GATAD2B: variants seen among roughly 807,000 people sequenced by gnomAD.
GATAD2B encodes the protein transcriptional repressor p66-beta.
GATAD2B carries 8 observed loss-of-function variants against 64.3 expected under a neutral mutation model. That is an observed-to-expected ratio of 0.12 (90% CI 0.07 to 0.22). The LOEUF is 0.22. Among genes scored for constraint, GATAD2B ranks in the 10% least tolerant of loss-of-function variants. The pLI is 1.00. For synonymous variants in GATAD2B, 281 were observed against 271.3 expected (o/e 1.04, Z -0.35); for missense variants, 453 against 752.0 (o/e 0.60, Z 4.65).
In GATAD2B at chr1:153,860,416, CCT is replaced by C. The variant is rs373074204; in HGVS notation, c.-1-32070_-1-32069del. On this transcript the variant is annotated intron_variant, in intron 1 of 10. Coordinates refer to ENST00000368655, the MANE Select transcript of GATAD2B (RefSeq NM_020699.4). ...GTGGTGCAATCAAAACTTCCTGTAA[CCT>C]TGAACTCCTAGGGTTAGGCAATCCT... Among the ~76,000 whole-genome samples, 21 of 150,954 alleles carry C rather than the reference CCT, an allele frequency of 1.4e-4. No individual in the cohort carries two copies. The South Asian group carries it at 2.5e-3, about 18-fold the overall frequency.
At chr1:153,823,640 G>A (rs1674760938) in intron 2 of GATAD2B, among the ~76,000 whole-genome samples, 1 of 151,528 alleles carries the variant, frequency 6.6e-6, no homozygotes, top group South Asian at 2.1e-4. Context: ...ATGCACCACT[G>A]CACCCAGCCC....
intron 1 of GATAD2B, among the ~76,000 whole-genome samples, chr1:153,844,199 T>G (rs989219015): frequency 6.6e-6 from 1 of 151,712 alleles, no homozygotes; most frequent in African/African-American, 2.4e-5. Context: ...CTGAGGAAAC[T>G]ATCCAAGACT....
At chr1:153,884,223 G>A (rs1007540591) in intron 1 of GATAD2B, among the ~76,000 whole-genome samples, 2 of 152,124 alleles carry the variant, frequency 1.3e-5, no homozygotes, top group Non-Finnish European at 1.5e-5. Context: ...GGCAGATCAC[G>A]AGGTCAGGAG....
At chr1:153,810,889 G>A (rs548732138) in intron 10 of GATAD2B, among the ~76,000 whole-genome samples, 6 of 151,982 alleles carry the variant, frequency 3.9e-5, no homozygotes, top group African/African-American at 1.2e-4. Context: ...TCAGCCTCCC[G>A]AGTAGCTGGG....
intron 1 of GATAD2B, among the ~76,000 whole-genome samples, chr1:153,845,992 A>G (rs552317450): frequency 2.2e-5 from 3 of 136,014 alleles, no homozygotes; most frequent in Non-Finnish European, 4.7e-5. Flanking sequence ...TTTTTGCCTT[A>G]AAGTTTGTCT....
intron 1 of GATAD2B, among the ~76,000 whole-genome samples, chr1:153,843,183 G>A (rs1012489589): frequency 2.0e-5 from 3 of 151,334 alleles, no homozygotes; most frequent in African/African-American, 7.3e-5. Flanking sequence ...TGCCCAGGCT[G>A]GAATGCAGTG....
Position 153,817,354 on chromosome 1 carries a change from G to A in GATAD2B, c.900+18C>T, listed in dbSNP as rs1256377581. 1.3e-6 allele frequency: 2 copies of A among 1,512,806 alleles called. No homozygotes were observed. Among genetic ancestry groups the A allele is most frequent in the Non-Finnish European group, 1.8e-6 (2 of 1,130,040 alleles). 93.7% of individuals were successfully genotyped at this position (1,512,806 alleles called of 1,614,324 possible). ...AGGGATTTCTCTGTTTCCACATTAG[G>A]GCTCAGCTCTCTCTTACCGGTTGAT... On this transcript the variant is annotated intron_variant, in intron 6 of 10. Coordinates refer to ENST00000368655, the MANE Select transcript of GATAD2B (RefSeq NM_020699.4).
chr1:153,841,412 TTAAC>T (rs1441796581), intron 1 of GATAD2B, among the ~76,000 whole-genome samples: 1 of 152,182 alleles, frequency 6.6e-6, no homozygotes, highest in Non-Finnish European at 1.5e-5. Flanking sequence ...AGCCCTCGTG[TTAAC>T]TGTTTTATAA....
At chr1:153,897,838 T>G (rs963439338) in intron 1 of GATAD2B, among the ~76,000 whole-genome samples, 1 of 152,048 alleles carries the variant, frequency 6.6e-6, no homozygotes, top group Non-Finnish European at 1.5e-5. Flanking sequence ...TATATATGTT[T>G]CTATATTCAA....
intron 1 of GATAD2B, among the ~76,000 whole-genome samples, chr1:153,880,615 C>T (rs1243009115): frequency 1.3e-5 from 2 of 151,960 alleles, no homozygotes; most frequent in Non-Finnish European, 2.9e-5. Flanking sequence ...AGCACATACA[C>T]CTTTGAATGG....
chr1:153,848,068 G>T (rs1441238338), intron 1 of GATAD2B, among the ~76,000 whole-genome samples: 1 of 152,138 alleles, frequency 6.6e-6, no homozygotes, highest in African/African-American at 2.4e-5. Flanking sequence ...TCCCCAGTTA[G>T]TTCTATTATT....
At chr1:153,888,298 A>C (rs2101946414) in intron 1 of GATAD2B, among the ~76,000 whole-genome samples, 1 of 152,208 alleles carries the variant, frequency 6.6e-6, no homozygotes, top group South Asian at 2.1e-4. Flanking sequence ...AATCATATGG[A>C]GCATTATATT....
chr1:153,911,003 G>A (rs1184299208), intron 1 of GATAD2B, among the ~76,000 whole-genome samples: 1 of 152,162 alleles, frequency 6.6e-6, no homozygotes, highest in Non-Finnish European at 1.5e-5. Flanking sequence ...CTACAGGTGA[G>A]AAGGTAGAGA....
intron 1 of GATAD2B, chr1:153,852,343 ACT>A: frequency 5.4e-6 from 5 of 925,712 alleles, no homozygotes; most frequent in Non-Finnish European, 9.0e-6. Context: ...ATTGCAGAAC[ACT>A]GAGTAGATGT....
rs899941973 is a variant in GATAD2B, at chr1:153,816,513, G to T, written c.976C>A (p.Pro326Thr). The part of the protein sequence containing the change: ...IYMNLASHIQ[P>T]GTVNRVSSPL... ...GAGGACACTCTGTTCACCGTCCCTG[G>T]CTGGATATGAGAAGCAAGGTTCATA... The change falls in exon 7 of 11, where the codon CCA becomes ACA. Residue 326 changes from proline to threonine, a missense_variant. Coordinates refer to ENST00000368655, the MANE Select transcript of GATAD2B (RefSeq NM_020699.4). This position sits in a 1 kb window ranked among gnomAD's most constrained non-coding sequence, Gnocchi z 4.9. 6.2e-7 allele frequency: 1 copy of T among 1,613,474 alleles called. No individual in the cohort carries two copies. Among genetic ancestry groups the T allele is most frequent in the Non-Finnish European group, 8.5e-7 (1 of 1,179,360 alleles).
Position 153,862,904 on chromosome 1 carries a change from A to T in GATAD2B, c.-1-34556T>A, listed in dbSNP as rs565553008. Among the ~76,000 whole-genome samples the T allele has an allele frequency of 7.2e-5, 11 of 151,806 alleles. No homozygotes were observed. The South Asian group carries it at 2.3e-3, about 32-fold the overall frequency. ...CATACCCGGCTAATTTTGTATTTTTAGTAGAGACAGGGTTTCTTCATGTTG... is the reference window on the plus strand; with the variant it reads ...CATACCCGGCTAATTTTGTATTTTTTGTAGAGACAGGGTTTCTTCATGTTG... On this transcript the variant is annotated intron_variant, in intron 1 of 10. Transcript: ENST00000368655.
At chr1:153,856,270 T>C (rs1395033982) in intron 1 of GATAD2B, among the ~76,000 whole-genome samples, 2 of 152,168 alleles carry the variant, frequency 1.3e-5, no homozygotes, top group Admixed American at 1.3e-4. Flanking sequence ...AAACGGAACA[T>C]ATTCACAGGT....
chr1:153,840,743 T>C (rs1675456264), intron 1 of GATAD2B, among the ~76,000 whole-genome samples: 1 of 152,236 alleles, frequency 6.6e-6, no homozygotes, highest in Admixed American at 6.5e-5. Context: ...ATTTTTATGT[T>C]TCCACTATTT....
chr1:153,839,863 G>A (rs1463468763), intron 1 of GATAD2B, among the ~76,000 whole-genome samples: 3 of 151,462 alleles, frequency 2.0e-5, no homozygotes, highest in Non-Finnish European at 2.9e-5. Flanking sequence ...AATCCCAGCT[G>A]GTTGGGAGGC....
Sources: gnomAD v4.1 joint callset for allele counts (sites outside exome capture counted in the v4.1 genomes callset) on GRCh38, gnomAD v4.1.1 for gene constraint, Gnocchi (gnomAD v3.1) non-coding constraint, MANE v1.5 for transcripts, NCBI Gene and HGNC (gene_info 2026-07-23, HGNC 2026-07-21) for gene names.